PPP2R3C: variants seen among roughly 807,000 people sequenced by gnomAD.
The protein encoded by PPP2R3C is serine/threonine-protein phosphatase 2A regulatory subunit B'' subunit gamma.
PPP2R3C carries 47 observed loss-of-function variants against 63.7 expected under a neutral mutation model. The observed-to-expected ratio is 0.74, with a 90% CI of 0.58 to 0.94. The LOEUF is 0.94. PPP2R3C is among the 40% of genes least tolerant of loss of function. PPP2R3C has a pLI of 0.00. For missense variants in PPP2R3C, 421 were observed against 518.4 expected (o/e 0.81, Z 1.82); for synonymous variants, 180 against 177.4 (o/e 1.01, Z -0.12).
chr14:35,115,327 T>C (rs536386993), intron 2 of PPP2R3C, among the ~76,000 whole-genome samples: 1 of 151,590 alleles, frequency 6.6e-6, no homozygotes, highest in Non-Finnish European at 1.5e-5. Flanking sequence ...CATGCCCGGC[T>C]AAGTTTTTTT....
intron 1 of PPP2R3C, among the ~76,000 whole-genome samples, chr14:35,121,208 C>T (rs1412088355): frequency 1.3e-5 from 2 of 152,148 alleles, no homozygotes; most frequent in Non-Finnish European, 2.9e-5. Flanking sequence ...GAAACCCCGT[C>T]TCTACTAGAA....
intron 11 of PPP2R3C, 55 bp from the exon 12 acceptor site, chr14:35,088,065 CTT>C (rs772017888): frequency 2.3e-6 from 3 of 1,286,686 alleles, no homozygotes; most frequent in African/African-American, 1.5e-5. Flanking sequence ...CAACATCCCT[CTT>C]TTGCCCTACA....
At chr14:35,087,690 G>A (rs188832014) in intron 12 of PPP2R3C, 261 of 385,952 alleles carry the variant, frequency 6.8e-4, no homozygotes, top group African/African-American at 5.1e-3. Context: ...ATGAGCCACT[G>A]AGCCCGGCCC....
At chr14:35,102,078 G>C (rs1448345699) in intron 6 of PPP2R3C, 1 of 148,402 alleles carries the variant, frequency 6.7e-6, no homozygotes, top group Admixed American at 6.7e-5. Flanking sequence ...CCAGGCTGGA[G>C]TGCAGTGGCG....
Position 35,109,865 on chromosome 14 carries a change from A to G in PPP2R3C, c.358T>C (p.Tyr120His). 1 of 1,611,888 alleles carries G rather than the reference A, an allele frequency of 6.2e-7. No individual in the cohort carries two copies. The highest frequency in any genetic ancestry group is 8.5e-7 in the Non-Finnish European group (1 of 1,178,144). ...PMIGEEAMIN[Y>H]ENFLKVGEKA... Reference sequence around the variant, plus strand: ...TCACCAACCTTCAAAAAGTTTTCGTAATTGATCATCGCTTCCTCTCCAATC... The same window carrying G: ...TCACCAACCTTCAAAAAGTTTTCGTGATTGATCATCGCTTCCTCTCCAATC... Residue 120 changes from tyrosine to histidine, a missense_variant, in exon 4 of 13, where the codon TAC becomes CAC. Tyr to His is a moderately conservative substitution (Grantham distance 83, BLOSUM62 2). Coordinates refer to ENST00000261475, the MANE Select transcript of PPP2R3C (RefSeq NM_017917.4).
intron 6 of PPP2R3C, chr14:35,101,010 C>G (rs922918663): frequency 9.9e-5 from 15 of 152,092 alleles, no homozygotes; most frequent in African/African-American, 3.6e-4. Flanking sequence ...GACTCTTGCT[C>G]TGTCACCCAG....
intron 10 of PPP2R3C, among the ~76,000 whole-genome samples, chr14:35,091,633 C>T (rs2045820665): frequency 6.6e-6 from 1 of 152,140 alleles, no homozygotes; most frequent in Admixed American, 6.6e-5. Context: ...TCCCAAAGTG[C>T]TGGGATTATA....
At chr14:35,108,549 A>G (rs1450368921) in intron 4 of PPP2R3C, among the ~76,000 whole-genome samples, 2 of 152,116 alleles carry the variant, frequency 1.3e-5, no homozygotes, top group African/African-American at 4.8e-5. Context: ...TAAAAATACA[A>G]AAAGTATTTG....
Position 35,099,264 on chromosome 14 carries a change from G to T in PPP2R3C, c.694C>A (p.Pro232Thr). 6.3e-7 allele frequency: 1 copy of T among 1,584,672 alleles called. No homozygotes were observed. Among genetic ancestry groups the T allele is most frequent in the South Asian group, 1.2e-5 (1 of 84,518 alleles). ...AVRKFFFFLD[P>T]LRTGKIKIQD... ...GATTTTCTTTTACCTGTTCTTAAAG[G>T]ATCTAAAAAGAAGAAGAACTTCCTA... is the stretch of plus-strand genomic sequence containing the variant. Residue 232 changes from proline to threonine, a missense_variant, in exon 7 of 13, where the codon CCT (proline) becomes ACT (threonine). Pro to Thr is a conservative substitution (Grantham distance 38, BLOSUM62 -1). Transcript: ENST00000261475.
chr14:35,103,719 C>T (rs955489479), intron 6 of PPP2R3C, among the ~76,000 whole-genome samples: 5 of 152,054 alleles, frequency 3.3e-5, no homozygotes, highest in Non-Finnish European at 7.4e-5. Flanking sequence ...CAGATTGTCA[C>T]AAAGTAAAAC....
chr14:35,085,820 AT>A (rs1223346491), intron 12 of PPP2R3C, 42 bp from the exon 13 acceptor site: 1 of 1,510,110 alleles, frequency 6.6e-7, no homozygotes, highest in South Asian at 1.2e-5. Context: ...GATCCACTTA[AT>A]TTCTATCACA....
At chr14:35,107,001 A>C (rs889756764) in intron 6 of PPP2R3C, among the ~76,000 whole-genome samples, 2 of 152,006 alleles carry the variant, frequency 1.3e-5, no homozygotes, top group African/African-American at 4.8e-5. Flanking sequence ...GAAGGCTGCT[A>C]CTCCATGGGA....
intron 1 of PPP2R3C, among the ~76,000 whole-genome samples, chr14:35,119,945 G>A (rs1281030041): frequency 7.0e-6 from 1 of 142,690 alleles, no homozygotes; most frequent in African/African-American, 2.6e-5. Context: ...TCCGCCTCCC[G>A]GGTTCACGCC....
chr14:35,108,892 G>A (rs2046450479), intron 4 of PPP2R3C, among the ~76,000 whole-genome samples: 1 of 151,686 alleles, frequency 6.6e-6, no homozygotes, highest in African/African-American at 2.4e-5. Context: ...TTACAAACGT[G>A]AGGCACCATG....
Position 35,121,545 on chromosome 14 carries a change from T to C in PPP2R3C, c.58+357A>G, listed in dbSNP as rs373979605. On this transcript the variant is annotated intron_variant, in intron 1 of 12. Transcript: ENST00000261475. ...GAAAAATGGATTATGAAATATAAAA[T>C]GGATTACGAGGGAAGCAAAAAGCGT... Among the ~76,000 whole-genome samples, 21 of 152,204 alleles carry C rather than the reference T, an allele frequency of 1.4e-4. No individual in the cohort carries two copies. The East Asian group carries it at 1.5e-3, about 11-fold the overall frequency.
intron 6 of PPP2R3C, among the ~76,000 whole-genome samples, chr14:35,104,330 G>A (rs751165825): frequency 2.0e-5 from 3 of 152,196 alleles, no homozygotes; most frequent in Non-Finnish European, 4.4e-5. Flanking sequence ...TGAGCTAACA[G>A]ATTCTATCTA....
intron 9 of PPP2R3C, 38 bp from the exon 10 acceptor site, chr14:35,095,222 A>G (rs756766816): frequency 1.9e-6 from 3 of 1,578,410 alleles, no homozygotes; most frequent in Non-Finnish European, 2.6e-6. Context: ...TATGACCACA[A>G]TAAAATTTTA....
chr14:35,093,228 CAACAA>C (rs937399518), intron 10 of PPP2R3C, among the ~76,000 whole-genome samples: 12 of 151,658 alleles, frequency 7.9e-5, no homozygotes, highest in African/African-American at 2.4e-4. Flanking sequence ...AAAACAAAAA[CAACAA>C]AACAAAACAA....
chr14:35,105,602 A>G (rs2046325173), intron 6 of PPP2R3C, among the ~76,000 whole-genome samples: 2 of 152,138 alleles, frequency 1.3e-5, no homozygotes, highest in South Asian at 4.1e-4. Context: ...AAAAATAAAA[A>G]ACCAAACCCC....
Sources: gnomAD v4.1 joint callset for allele counts (sites outside exome capture counted in the v4.1 genomes callset) on GRCh38, gnomAD v4.1.1 for gene constraint, MANE v1.5 for transcripts, NCBI Gene and HGNC (gene_info 2026-07-23, HGNC 2026-07-21) for gene names.